The following ZNF296 variants were observed in gnomAD, a reference collection of about 807,000 sequenced individuals.
ZNF296 encodes the protein zinc finger protein 296.
Under a neutral mutation model 13.2 loss-of-function variants are expected in ZNF296, and 1 was observed. The observed-to-expected ratio is 0.08, with a 90% CI of 0.03 to 0.36. The LOEUF (loss-of-function observed/expected upper bound fraction) is 0.36, where lower values mean the gene tolerates loss of function less well. ZNF296 is among the 10% of genes least tolerant of loss of function. ZNF296 has a pLI of 0.99. For missense variants in ZNF296, 555 were observed against 688.2 expected, an observed-to-expected ratio of 0.81 and a Z score of 2.16; for synonymous variants, 303 against 289.0, an observed-to-expected ratio of 1.05 and a Z score of -0.49.
rs1967264469 is a variant in ZNF296 at position 45,072,007 on chromosome 19, C to T, written c.1022G>A (p.Ser341Asn). ...AGVQEPGAPG[S>N]GAQAGPGGDT... ...TCCACCAGGGCCGGCTTGAGCCCCA[C>T]TGCCAGGAGCCCCGGGTTCCTGGAC... The change falls in exon 3 of 3, where the codon AGT becomes AAT. Residue 341 changes from serine to asparagine, a missense_variant. By Grantham distance (46) the Ser-to-Asn change is conservative. Around this residue, in one of 3 missense-constraint regions of ZNF296, gnomAD observed 410 missense variants for 548.0 expected, o/e 0.75. Coordinates refer to ENST00000303809, the MANE Select transcript of ZNF296 (RefSeq NM_145288.3). The T allele has an allele frequency of 6.2e-7, 1 of 1,613,206 alleles. No homozygotes were observed. The highest frequency in any genetic ancestry group is 2.2e-5 in the East Asian group (1 of 44,874).
rs565088494 is a variant in ZNF296 at position 45,072,715 on chromosome 19, A to T, written c.449-135T>A. Reference sequence around the variant, plus strand: ...ACACCCTGGAAGGACCAGGAAGCTGACGCTCAGAGGAGGGGTGGACACGAA... The same window carrying T: ...ACACCCTGGAAGGACCAGGAAGCTGTCGCTCAGAGGAGGGGTGGACACGAA... On this transcript the variant is annotated intron_variant, in intron 2 of 2. Transcript: ENST00000303809. The T allele has an allele frequency of 3.4e-6, 4 of 1,176,900 alleles. No individual in the cohort carries two copies. The South Asian group carries it at 4.9e-5, about 14-fold the overall frequency. 72.9% of individuals were successfully genotyped at this position (1,176,900 alleles called of 1,614,324 possible).
rs1568425532 is a variant in ZNF296, at chr19:45,072,143, GGCTGGTGTCGGC to G, written c.874_885del (p.Ala292_Ser295del). ...GGAGGGGCTGCAGAGGCCTGCTCCT[GGCTGGTGTCGGC>G]CATGAGGGGGCTCTGGGGCGGCACC... is the stretch of plus-strand genomic sequence containing the variant. On this transcript the variant is annotated inframe_deletion, in exon 3 of 3. Transcript: ENST00000303809. 1 of 1,603,610 alleles carries G rather than the reference GGCTGGTGTCGGC, an allele frequency of 6.2e-7. No homozygotes were observed. Among genetic ancestry groups the G allele is most frequent in the East Asian group, 2.2e-5 (1 of 44,678 alleles).
Position 45,072,164 on chromosome 19 carries a change from G to A in ZNF296, c.865C>T (p.Pro289Ser), listed in dbSNP as rs778087801. 1.2e-6 allele frequency: 2 copies of A among 1,604,276 alleles called. No homozygotes were observed. Among genetic ancestry groups the A allele is most frequent in the South Asian group, 1.1e-5 (1 of 90,216 alleles). ...KTHRQVPPQS[P>S]LMADTSQEQA... ...TCCTGGCTGGTGTCGGCCATGAGGGGGCTCTGGGGCGGCACCTGCCGGTGG... is the reference window on the plus strand; with the variant it reads ...TCCTGGCTGGTGTCGGCCATGAGGGAGCTCTGGGGCGGCACCTGCCGGTGG... Residue 289 changes from proline to serine, a missense_variant, in exon 3 of 3, where the codon CCC becomes TCC. Transcript: ENST00000303809.
chr19:45,075,515 TC>T (rs1427618833), intron 2 of ZNF296, among the ~76,000 whole-genome samples, 197 bp downstream of exon 2: 10 of 129,188 alleles, frequency 7.7e-5, no homozygotes, highest in Non-Finnish European at 1.5e-4. Flanking sequence ...CCCTGCCCAG[TC>T]CCCCCCCGCC....
chr19:45,072,096 A>G lies in ZNF296; in HGVS notation c.933T>C (p.Ala311=). 6.2e-7 allele frequency: 1 copy of G among 1,611,444 alleles called. No homozygotes were observed. The highest frequency in any genetic ancestry group is 8.5e-7 in the Non-Finnish European group (1 of 1,179,132). Residue 311 remains alanine, a synonymous_variant, in exon 3 of 3, where the codon GCT becomes GCC. Transcript: ENST00000303809. ...AAPPEPAVHA[A]APTSTLPCSG... is the part of the protein sequence containing the mutation. ...TGCATGGAAGGGTGCTGGTGGGGGC[A>G]GCAGCATGGACAGCCGGCTCCGGAG... is the stretch of plus-strand genomic sequence containing the variant.
At position 45,075,785 on chromosome 19, in the gene ZNF296, T is replaced by A. The variant is rs182764152; in HGVS notation, c.376A>T (p.Ile126Phe). The A allele has an allele frequency of 6.2e-7, 1 of 1,614,114 alleles. No homozygotes were observed. The highest frequency in any genetic ancestry group is 2.2e-5 in the East Asian group (1 of 44,882). ...RCLQTFPLEA[I>F]TAFMDHKKLG... is the part of the protein sequence containing the mutation. ...TTCTTGTGGTCCATGAAGGCAGTGA[T>A]GGCCTCCAACGGGAAGGTCTGCAGG... The change falls in exon 2 of 3, where the codon ATC becomes TTC. Residue 126 changes from isoleucine to phenylalanine, a missense_variant. Ile to Phe is a conservative substitution (Grantham distance 21). This residue lies in a region of ZNF296 where 410 missense variants were observed against 548.0 expected (regional missense o/e 0.75). Coordinates refer to ENST00000303809, the MANE Select transcript of ZNF296 (RefSeq NM_145288.3).
chr19:45,071,571 C>T lies in ZNF296; in HGVS notation c.*30G>A, dbSNP rs1387454268. ...AGGTCAATGGGTGTTGGCAGCGGTA[C>T]CAGGGACAGTGAGGGGGGCTTTCCT... On this transcript the variant is annotated 3_prime_UTR_variant, in exon 3 of 3. Transcript: ENST00000303809. 2 of 1,504,212 alleles carry T rather than the reference C, an allele frequency of 1.3e-6. No homozygotes were observed. The highest frequency in any genetic ancestry group is 8.8e-7 in the Non-Finnish European group (1 of 1,136,220). The allele number at this position is 1,504,212 out of a possible 1,614,324, so 93.2% of individuals were successfully genotyped here. A position where few individuals can be genotyped will look rare whatever the true frequency, so the allele number is the denominator to read the frequency against.
intron 2 of ZNF296, 72 bp downstream of exon 2, chr19:45,075,641 C>CAGCCCAGCCCCTTTCCAGCAGGA (rs1967331812): frequency 6.4e-7 from 1 of 1,569,082 alleles, no homozygotes; most frequent in East Asian, 2.3e-5. Flanking sequence ...CCCTGCCGTC[C>CAGCCCAGCCCCTTTCCAGCAGGA]AGCCCAGCCC....
At chr19:45,072,689 C>T in intron 2 of ZNF296, 109 bp from the exon 3 acceptor site, 1 of 1,363,966 alleles carries the variant, frequency 7.3e-7, no homozygotes, top group Non-Finnish European at 9.8e-7. Context: ...ACAAGACACA[C>T]ACACCCTGGA....
In ZNF296 at chr19:45,071,824, G is replaced by C; in HGVS notation, c.1205C>G (p.Thr402Arg). The change falls in exon 3 of 3, where the codon ACG (threonine) becomes AGG (arginine). Residue 402 changes from threonine to arginine, a missense_variant. Thr to Arg is a moderately conservative substitution (Grantham distance 71, BLOSUM62 -1). Coordinates refer to ENST00000303809, the MANE Select transcript of ZNF296 (RefSeq NM_145288.3). ...GKHFTNSSNL[T>R]VHRRSHTGER... ...CCCGGTGTGTGAGCGCCGGTGCACC[G>C]TCAGGTTGCTGCTGTTGGTAAAATG... 6.2e-7 allele frequency: 1 copy of C among 1,612,718 alleles called. No homozygotes were observed. Among genetic ancestry groups the C allele is most frequent in the Non-Finnish European group, 8.5e-7 (1 of 1,179,808 alleles).
At chr19:45,072,972 G>A (rs559241384) in intron 2 of ZNF296, among the ~76,000 whole-genome samples, 58 of 152,220 alleles carry the variant, frequency 3.8e-4, no homozygotes, top group African/African-American at 1.3e-3. Context: ...GGCTGGTCTC[G>A]AACTCTTGGC....
Position 45,071,658 on chromosome 19 carries a change from T to G in ZNF296, c.1371A>C (p.Arg457=). 3 of 1,551,610 alleles carry G rather than the reference T, an allele frequency of 1.9e-6. No homozygotes were observed. The highest frequency in any genetic ancestry group is 2.6e-6 in the Non-Finnish European group (3 of 1,150,650). The part of the protein sequence containing the change: ...CPHCHVPFGL[R]ATLDKHLRQK... ...GCCGCAGGTGTTTGTCCAGGGTGGC[T>G]CGCAGGCCGAAGGGCACATGGCAGT... is the stretch of plus-strand genomic sequence containing the variant. The change falls in exon 3 of 3, where the codon CGA becomes CGC. Residue 457 remains arginine, a synonymous_variant. Transcript: ENST00000303809.
In ZNF296 at chr19:45,076,283, C is replaced by T; in HGVS notation, c.91G>A (p.Val31Ile). The T allele has an allele frequency of 3.4e-6, 5 of 1,477,382 alleles. No homozygotes were observed. Among genetic ancestry groups the T allele is most frequent in the Non-Finnish European group, 3.6e-6 (4 of 1,115,148 alleles). 91.5% of individuals were successfully genotyped at this position (1,477,382 alleles called of 1,614,324 possible). A position where few individuals can be genotyped will look rare whatever the true frequency, so the allele number is the denominator to read the frequency against. ...PDDEMEMQDL[V>I]IELKPEPDAQ... ...TCTGGCTCGGGCTTGAGTTCGATGA[C>T]GAGGTCCTGCATTTCCATCTCGTCG... The change falls in exon 1 of 3, where the codon GTC (valine) becomes ATC (isoleucine). Residue 31 changes from valine to isoleucine, a missense_variant. Around this residue, in one of 3 missense-constraint regions of ZNF296, gnomAD observed 137 missense variants for 121.9 expected, o/e 1.12. Transcript: ENST00000303809. This position sits in a 1 kb window ranked among gnomAD's most constrained non-coding sequence, Gnocchi z 4.9.
intron 2 of ZNF296, among the ~76,000 whole-genome samples, chr19:45,073,474 C>A: frequency 6.6e-6 from 1 of 150,870 alleles, no homozygotes; most frequent in East Asian, 2.0e-4. Flanking sequence ...GGGTTCACGC[C>A]ATTCTCCTGC....
rs535503707 is a variant in ZNF296, at chr19:45,075,834, T to G, written c.327A>C (p.Pro109=). The change falls in exon 2 of 3, where the codon CCA becomes CCC. Residue 109 remains proline (P), a synonymous_variant. Transcript: ENST00000303809. ...GGCAGCGGCCGCAGGTCAACAGATC[T>G]GGGTGTTTGTCGGTCCAGGGCTGGC... ...PDRQPWTDKH[P]DLLTCGRCLQ... 6 of 1,613,804 alleles carry G rather than the reference T, an allele frequency of 3.7e-6. No homozygotes were observed. The South Asian group carries it at 5.5e-5, about 15-fold the overall frequency.
rs538115732 is a variant in ZNF296, at chr19:45,072,048, G to A, written c.981C>T (p.Ala327=). ...GTTCCTGGACACCTGCTGTGGCGGC[G>A]GCTCCAGCCCCCTCACCACCGCTGC... is the stretch of plus-strand genomic sequence containing the variant. ...LPCSGGEGAG[A]AATAGVQEPG... Residue 327 remains alanine (A), a synonymous_variant, in exon 3 of 3, where the codon GCC becomes GCT. Transcript: ENST00000303809. 11 of 1,612,590 alleles carry A rather than the reference G, an allele frequency of 6.8e-6. No individual in the cohort carries two copies. The East Asian group carries it at 1.3e-4, about 20-fold the overall frequency.
rs778568546 is a variant in ZNF296, at chr19:45,071,622, AG to A, written c.1406del (p.Pro469LeufsTer25). 2.6e-6 allele frequency: 4 copies of A among 1,524,706 alleles called. No homozygotes were observed. The highest frequency in any genetic ancestry group is 3.5e-6 in the Non-Finnish European group (4 of 1,141,804). 94.4% of individuals were successfully genotyped at this position (1,524,706 alleles called of 1,614,324 possible). On this transcript the variant is annotated frameshift_variant, in exon 3 of 3. Coordinates refer to ENST00000303809, the MANE Select transcript of ZNF296 (RefSeq NM_145288.3). LOFTEE classifies it high-confidence loss of function. Reference sequence around the variant, plus strand: ...GGGCTCAGGCCTCGCCGGCCGCCTCAGGGTGCTTCTGCCGCAGGTGTTTGTC... The same window carrying A: ...GGGCTCAGGCCTCGCCGGCCGCCTCAGGTGCTTCTGCCGCAGGTGTTTGTC... ...TLDKHLRQKH[P>X]EAAGEA
rs572467590 is a variant in ZNF296 at position 45,071,765 on chromosome 19, C to T, written c.1264G>A (p.Ala422Thr). 4.6e-5 allele frequency: 74 copies of T among 1,613,006 alleles called. No homozygotes were observed. In the East Asian group the frequency reaches 1.1e-3, roughly 23 times the overall value. The change falls in exon 3 of 3, where the codon GCC (alanine) becomes ACC (threonine). Residue 422 changes from alanine (A) to threonine (T), a missense_variant. Ala to Thr is a moderately conservative substitution (Grantham distance 58). Transcript: ENST00000303809. ...RPYTCEFCNY[A>T]CAQSSKLNRH... The stretch of plus-strand genomic sequence containing the variant: ...TTGAGCTTACTGCTCTGGGCGCAGG[C>T]GTAGTTGCAGAACTCACAGGTGTAG...
rs1381957386 is a variant in ZNF296 at position 45,071,831 on chromosome 19, T to A, written c.1198A>T (p.Asn400Tyr). 1 of 1,613,134 alleles carries A rather than the reference T, an allele frequency of 6.2e-7. No individual in the cohort carries two copies. Among genetic ancestry groups the A allele is most frequent in the Non-Finnish European group, 8.5e-7 (1 of 1,179,976 alleles). The change falls in exon 3 of 3, where the codon AAC becomes TAC. Residue 400 changes from asparagine (N) to tyrosine (Y), a missense_variant. Transcript: ENST00000303809. ...TGTGAGCGCCGGTGCACCGTCAGGTTGCTGCTGTTGGTAAAATGCTTCCCG... is the reference window on the plus strand; with the variant it reads ...TGTGAGCGCCGGTGCACCGTCAGGTAGCTGCTGTTGGTAAAATGCTTCCCG... ...FCGKHFTNSS[N>Y]LTVHRRSHTG...
Sources: allele counts gnomAD v4.1 joint callset (sites outside exome capture counted in the v4.1 genomes callset), GRCh38; gene constraint gnomAD v4.1.1; regional missense constraint gnomAD v4.1.1; non-coding constraint Gnocchi (gnomAD v3.1); transcripts MANE v1.5; gene names NCBI Gene and HGNC (gene_info 2026-07-23, HGNC 2026-07-21).